The following OGFOD1 variants were observed in gnomAD, a reference collection of about 807,000 sequenced individuals.
OGFOD1 encodes 2-oxoglutarate and iron dependent oxygenase domain containing 1.
OGFOD1 carries 54 observed loss-of-function variants against 67.7 expected under a neutral mutation model. The ratio of observed to expected loss-of-function variants is 0.80; its 90% CI spans 0.64 to 1.00. OGFOD1 has a LOEUF of 1.00. Ranked by LOEUF, OGFOD1 falls within the 50% of genes least tolerant of loss-of-function variation. OGFOD1 has a pLI of 0.00. For synonymous variants in OGFOD1, 221 were observed against 227.0 expected (o/e 0.97, Z 0.24); for missense variants, 606 against 646.7 (o/e 0.94, Z 0.68).
chr16:56,470,315 G>A lies in OGFOD1; in HGVS notation c.981-172G>A, dbSNP rs149624962. 6.6e-4 allele frequency: 453 copies of A among 684,480 alleles called. 2 individuals carry two copies. In the East Asian group the frequency reaches 0.012, roughly 18 times the overall value. The allele number at this position is 684,480 out of a possible 1,614,324, so 42.4% of individuals were successfully genotyped here. On this transcript the variant is annotated intron_variant, in intron 9 of 12. Coordinates refer to ENST00000566157, the MANE Select transcript of OGFOD1 (RefSeq NM_018233.4). ...GTTTTGTTCTCAGGGACATCCAGTA[G>A]CAGGATGTCCTAACAAAATCCTAAC...
At chr16:56,456,981 G>A (rs1326965386) in intron 2 of OGFOD1, among the ~76,000 whole-genome samples, 1 of 152,166 alleles carries the variant, frequency 6.6e-6, no homozygotes, top group African/African-American at 2.4e-5. Flanking sequence ...AGCTATCTGT[G>A]TCTCCCCGGG....
chr16:56,463,384 GTTTTTTTTTTTTT>G (rs56388148), intron 4 of OGFOD1, among the ~76,000 whole-genome samples: 4 of 43,784 alleles, frequency 9.1e-5, no homozygotes, highest in South Asian at 1.4e-3. Context: ...TCTTTTTTGG[GTTTTTTTTTTTTT>G]TTTTTTTTTT....
Position 56,476,299 on chromosome 16 carries a change from A to C in OGFOD1, c.*94A>C. 2 of 1,186,310 alleles carry C rather than the reference A, an allele frequency of 1.7e-6. No individual in the cohort carries two copies. The highest frequency in any genetic ancestry group is 1.2e-6 in the Non-Finnish European group (1 of 846,708). The allele number at this position is 1,186,310 out of a possible 1,614,324, so 73.5% of individuals were successfully genotyped here. A position where few individuals can be genotyped will look rare whatever the true frequency, so the allele number is the denominator to read the frequency against. ...ATGGAGTCAAGGAGAACTACATGGT[A>C]GCTTGCCTGACAGTGTTCTTAAAAC... On this transcript the variant is annotated 3_prime_UTR_variant, in exon 13 of 13. Coordinates refer to ENST00000566157, the MANE Select transcript of OGFOD1 (RefSeq NM_018233.4).
intron 10 of OGFOD1, among the ~76,000 whole-genome samples, chr16:56,473,568 A>G: frequency 6.6e-6 from 1 of 152,212 alleles, no homozygotes; most frequent in East Asian, 1.9e-4. Context: ...AGCATTGTAC[A>G]TGATGATGTT....
At chr16:56,474,251 AT>A (rs1204404077) in intron 10 of OGFOD1, among the ~76,000 whole-genome samples, 1 of 148,056 alleles carries the variant, frequency 6.8e-6, no homozygotes, top group Non-Finnish European at 1.5e-5. Flanking sequence ...CGTATTTTTT[AT>A]TTTTTTGCAA....
intron 2 of OGFOD1, among the ~76,000 whole-genome samples, chr16:56,455,321 C>T (rs1327537490): frequency 2.0e-5 from 3 of 150,876 alleles, no homozygotes; most frequent in African/African-American, 4.9e-5. Context: ...GAGCTGAGAT[C>T]GCGCCACTGT....
At chr16:56,458,784 A>G (rs1383839084) in intron 3 of OGFOD1, 190 bp downstream of exon 3, 1 of 554,956 alleles carries the variant, frequency 1.8e-6, no homozygotes, top group Non-Finnish European at 3.2e-6. Context: ...TACAAACCTA[A>G]GTCTGTCTGA....
chr16:56,471,212 A>T (rs1963165366), intron 10 of OGFOD1, among the ~76,000 whole-genome samples: 1 of 151,290 alleles, frequency 6.6e-6, no homozygotes, highest in South Asian at 2.1e-4. Context: ...AAAAAAAAAA[A>T]TTTGCCAGGC....
Position 56,462,623 on chromosome 16 carries a change from A to G in OGFOD1, c.437A>G (p.Tyr146Cys). ...ACCATTGACATGTCCTGTGCTAAAT[A>G]TGAATTCACTGGTAAGGAAGATAAA... The part of the protein sequence containing the change: ...ESTIDMSCAK[Y>C]EFTDALLCHD... The change falls in exon 4 of 13, where the codon TAT (tyrosine) becomes TGT (cysteine). Residue 146 changes from tyrosine (Y) to cysteine (C), a missense_variant. Transcript: ENST00000566157. The G allele has an allele frequency of 2.5e-6, 4 of 1,597,614 alleles. No individual in the cohort carries two copies. Among genetic ancestry groups the G allele is most frequent in the Non-Finnish European group, 3.4e-6 (4 of 1,165,370 alleles).
rs1278187192 is a variant in OGFOD1, at chr16:56,478,127, G to A, written c.*1922G>A. 2.6e-5 allele frequency: 4 copies of A among 152,054 alleles called. No homozygotes were observed. The highest frequency in any genetic ancestry group is 9.7e-5 in the African/African-American group (4 of 41,398). The allele number at this position is 152,054 out of a possible 1,614,324, so 9.4% of individuals were successfully genotyped here. On this transcript the variant is annotated 3_prime_UTR_variant, in exon 13 of 13. Coordinates refer to ENST00000566157, the MANE Select transcript of OGFOD1 (RefSeq NM_018233.4). The stretch of plus-strand genomic sequence containing the variant: ...TGTCTTCCCCTATGCATATGGTAAC[G>A]AACCATTTTACACCATACTATTTTG...
Position 56,478,619 on chromosome 16 carries a change from T to C in OGFOD1, c.*2414T>C, listed in dbSNP as rs1014008868. On this transcript the variant is annotated 3_prime_UTR_variant, in exon 13 of 13. Coordinates refer to ENST00000566157, the MANE Select transcript of OGFOD1 (RefSeq NM_018233.4). ...TGTCATGTGTGCCAAGCTTGGAAAA[T>C]AGTTTGAGACTCATGGCTGTAGGCA... 2 of 152,108 alleles carry C rather than the reference T, an allele frequency of 1.3e-5. No homozygotes were observed. The highest frequency in any genetic ancestry group is 1.9e-4 in the East Asian group (1 of 5,190). The allele number at this position is 152,108 out of a possible 1,614,324, so 9.4% of individuals were successfully genotyped here. A position where few individuals can be genotyped will look rare whatever the true frequency, so the allele number is the denominator to read the frequency against.
chr16:56,468,766 C>T (rs1345747388), intron 8 of OGFOD1, among the ~76,000 whole-genome samples: 2 of 151,996 alleles, frequency 1.3e-5, no homozygotes, highest in East Asian at 1.9e-4. Context: ...TATTCTCATG[C>T]CCTGGCTCTG....
chr16:56,476,014 C>G (rs1365924849), intron 12 of OGFOD1, 30 bp from the exon 13 acceptor site: 1 of 1,586,008 alleles, frequency 6.3e-7, no homozygotes, highest in Non-Finnish European at 8.6e-7. Flanking sequence ...GTTCTGTGTT[C>G]TGATGTGTCA....
chr16:56,466,878 C>T lies in OGFOD1; in HGVS notation c.568C>T (p.His190Tyr), dbSNP rs1233140632. 3 of 1,611,012 alleles carry T rather than the reference C, an allele frequency of 1.9e-6. No homozygotes were observed. The highest frequency in any genetic ancestry group is 2.5e-6 in the Non-Finnish European group (3 of 1,177,230). The change falls in exon 6 of 13, where the codon CAC (histidine) becomes TAC (tyrosine). Residue 190 changes from histidine (H) to tyrosine (Y), a missense_variant and splice_region_variant. His to Tyr is a moderately conservative substitution (Grantham distance 83, BLOSUM62 2). Coordinates refer to ENST00000566157, the MANE Select transcript of OGFOD1 (RefSeq NM_018233.4). ...GTLDLYSIDE[H>Y]FQPKQIVKSL... ...TGATGTGTTCTTTCCTGGTGCAGAA[C>T]ACTTTCAGCCGAAGCAGATTGTCAA...
chr16:56,455,051 T>C lies in OGFOD1; in HGVS notation c.300+1643T>C, dbSNP rs1049905398. On this transcript the variant is annotated intron_variant, in intron 2 of 12. Coordinates refer to ENST00000566157, the MANE Select transcript of OGFOD1 (RefSeq NM_018233.4). Reference sequence around the variant, plus strand: ...TTGAAACATCACAATAATTTTTACTTCATGCAATTTGGAAGATTAAAAATA... The same window carrying C: ...TTGAAACATCACAATAATTTTTACTCCATGCAATTTGGAAGATTAAAAATA... 2.8e-5 allele frequency: 5 copies of C among 176,316 alleles called. No homozygotes were observed. The South Asian group carries it at 4.6e-4, about 16-fold the overall frequency. 10.9% of individuals were successfully genotyped at this position (176,316 alleles called of 1,614,324 possible).
At chr16:56,463,419 T>TGTTGGTTC (rs1377241575) in intron 4 of OGFOD1, among the ~76,000 whole-genome samples, 1 of 140,286 alleles carries the variant, frequency 7.1e-6, no homozygotes, top group Admixed American at 7.2e-5. Context: ...TTTTTTGGTT[T>TGTTGGTTC]GTTGGTTCGT....
intron 1 of OGFOD1, 143 bp from the exon 2 acceptor site, chr16:56,453,120 C>A: frequency 1.3e-6 from 1 of 767,214 alleles, no homozygotes; most frequent in Non-Finnish European, 2.1e-6. Flanking sequence ...CAGAGCTTAT[C>A]ATTTTTTCCC....
At chr16:56,459,301 G>A (rs562144828) in intron 3 of OGFOD1, among the ~76,000 whole-genome samples, 21 of 150,444 alleles carry the variant, frequency 1.4e-4, no homozygotes, top group Non-Finnish European at 2.2e-4. Flanking sequence ...GATCGAGCCC[G>A]TTGCACTCCA....
chr16:56,470,192 C>A, intron 9 of OGFOD1, 110 bp downstream of exon 9: 5 of 920,190 alleles, frequency 5.4e-6, no homozygotes, highest in South Asian at 1.5e-5. Flanking sequence ...GAGGTGATGA[C>A]AGGCAGTTCA....
Sources: gnomAD v4.1 joint callset for allele counts (sites outside exome capture counted in the v4.1 genomes callset) on GRCh38, gnomAD v4.1.1 for gene constraint, MANE v1.5 for transcripts, NCBI Gene and HGNC (gene_info 2026-07-23, HGNC 2026-07-21) for gene names.